CA10: variants seen among roughly 807,000 people sequenced by gnomAD.
CA10 encodes the protein carbonic anhydrase-related protein 10.
CA10 carries 14 observed loss-of-function variants against 44.2 expected under a neutral mutation model. The observed-to-expected ratio is 0.32, with a 90% CI of 0.21 to 0.50. The LOEUF (loss-of-function observed/expected upper bound fraction) is 0.50, where lower values mean the gene tolerates loss of function less well. Ranked by LOEUF, CA10 falls within the 20% of genes least tolerant of loss-of-function variation. CA10 has a pLI of 0.99. For missense variants in CA10, 350 were observed against 409.7 expected, an observed-to-expected ratio of 0.85 and a Z score of 1.26; for synonymous variants, 159 against 141.6, an observed-to-expected ratio of 1.12 and a Z score of -0.87.
intron 3 of CA10, among the ~76,000 whole-genome samples, chr17:51,849,227 GTGTGTGTATATATA>G (rs1978665716): frequency 3.9e-5 from 1 of 25,408 alleles, no homozygotes; most frequent in African/African-American, 2.0e-4. Context: ...ATACATATAT[GTGTGTGTATATATA>G]TATATATATA....
intron 4 of CA10, among the ~76,000 whole-genome samples, chr17:51,678,314 T>G (rs1398722736): frequency 6.6e-6 from 1 of 152,220 alleles, no homozygotes; most frequent in African/African-American, 2.4e-5. Context: ...ATTTTGACTG[T>G]GCTAAGTGCC....
intron 1 of CA10, among the ~76,000 whole-genome samples, chr17:52,088,358 A>T (rs1988173647): frequency 6.6e-6 from 1 of 152,326 alleles, no homozygotes; most frequent in South Asian, 2.1e-4. Context: ...ACATGCAGTC[A>T]TTCTACCTAA....
At chr17:51,888,973 C>T (rs867504542) in intron 3 of CA10, among the ~76,000 whole-genome samples, 3 of 152,102 alleles carry the variant, frequency 2.0e-5, no homozygotes, top group South Asian at 2.1e-4. Flanking sequence ...TCTAAGATGG[C>T]TCACTTTCAA....
At chr17:51,997,774 A>G (rs2144114487) in intron 2 of CA10, among the ~76,000 whole-genome samples, 1 of 152,204 alleles carries the variant, frequency 6.6e-6, no homozygotes, top group Middle Eastern at 3.4e-3. Context: ...AACTGGGAGA[A>G]ATCATATTTA....
At chr17:51,693,050 G>T (rs191076340) in intron 4 of CA10, among the ~76,000 whole-genome samples, 1 of 152,160 alleles carries the variant, frequency 6.6e-6, no homozygotes, top group Non-Finnish European at 1.5e-5. Flanking sequence ...ATTTCCATGG[G>T]TTATAACAGA....
At position 52,157,853 on chromosome 17, in the gene CA10, GCA is replaced by G; in HGVS notation, c.-69_-68del. On this transcript the variant is annotated 5_prime_UTR_variant, in exon 1 of 9. The change abolishes the stop of an existing upstream ORF in the 5' untranslated region. Coordinates refer to ENST00000451037, the MANE Select transcript of CA10 (RefSeq NM_020178.5). ...GGGGGGAAGGGGGGAGCCCGACACG[GCA>G]CACACACATACACACTCGCACACAC... The G allele has an allele frequency of 8.0e-7, 1 of 1,249,432 alleles. No homozygotes were observed. The highest frequency in any genetic ancestry group is 1.9e-4 in the Middle Eastern group (1 of 5,324). 77.4% of individuals were successfully genotyped at this position (1,249,432 alleles called of 1,614,324 possible).
chr17:51,796,858 C>T (rs943735214), intron 3 of CA10, among the ~76,000 whole-genome samples: 3 of 152,176 alleles, frequency 2.0e-5, no homozygotes, highest in African/African-American at 7.2e-5. Flanking sequence ...GCAAAGCCAG[C>T]TCCCACAGCA....
intron 3 of CA10, among the ~76,000 whole-genome samples, chr17:51,761,062 C>G: frequency 6.6e-6 from 1 of 152,188 alleles, no homozygotes; most frequent in East Asian, 1.9e-4. Flanking sequence ...GTCAGTCTTC[C>G]TTCCCAAGCT....
intron 4 of CA10, among the ~76,000 whole-genome samples, chr17:51,676,088 A>G (rs1209931247): frequency 2.0e-5 from 3 of 152,228 alleles, no homozygotes; most frequent in Admixed American, 6.5e-5. Flanking sequence ...GTCTGTGAAC[A>G]TGTGTGTACA....
intron 4 of CA10, among the ~76,000 whole-genome samples, chr17:51,677,889 C>CA (rs981800106): frequency 2.0e-4 from 7 of 35,744 alleles, no homozygotes; most frequent in Admixed American, 5.8e-4. Context: ...GTATACACCC[C>CA]CCCCCCCACC....
chr17:52,079,299 A>G (rs1987902345), intron 1 of CA10, among the ~76,000 whole-genome samples: 1 of 151,890 alleles, frequency 6.6e-6, no homozygotes, highest in African/African-American at 2.4e-5. Flanking sequence ...AAACAAAAAC[A>G]CAAACAAAAA....
At chr17:51,781,787 AAC>A (rs754390311) in intron 3 of CA10, among the ~76,000 whole-genome samples, 15 of 152,226 alleles carry the variant, frequency 9.9e-5, no homozygotes, top group Non-Finnish European at 1.3e-4. Context: ...CATGACATGT[AAC>A]AGTTTTTGAA....
In CA10 at chr17:51,693,708, G is replaced by A. The variant is rs146369070; in HGVS notation, c.466-39972C>T. Reference sequence around the variant, plus strand: ...TTATTTCTGTGTAGCATTTCATGGTGTATATGTACCATATTTTCTTTATTT... The same window carrying A: ...TTATTTCTGTGTAGCATTTCATGGTATATATGTACCATATTTTCTTTATTT... On this transcript the variant is annotated intron_variant, in intron 4 of 8. Transcript: ENST00000451037. 7.2e-4 allele frequency among the ~76,000 whole-genome samples: 110 copies of A among 152,230 alleles called. 1 individual carries two copies. The highest frequency in any genetic ancestry group is 2.4e-3 in the African/African-American group (99 of 41,530).
intron 4 of CA10, among the ~76,000 whole-genome samples, chr17:51,735,827 AAGT>A (rs896399122): frequency 2.2e-5 from 2 of 90,702 alleles, no homozygotes; most frequent in African/African-American, 6.5e-5. Flanking sequence ...TTAAAAAACA[AAGT>A]AAAAAAAAAA....
chr17:51,851,046 A>T (rs1360664786), intron 3 of CA10, among the ~76,000 whole-genome samples: 2 of 152,210 alleles, frequency 1.3e-5, no homozygotes, highest in Non-Finnish European at 2.9e-5. Context: ...CTGTGCTCAC[A>T]TAGTAGCTTC....
chr17:52,064,297 T>C (rs889782950), intron 2 of CA10, among the ~76,000 whole-genome samples: 5 of 152,208 alleles, frequency 3.3e-5, no homozygotes, highest in Admixed American at 2.6e-4. Context: ...AGGATCCATT[T>C]AAGCCATGTC....
At chr17:51,995,612 G>A (rs926670192) in intron 2 of CA10, among the ~76,000 whole-genome samples, 8 of 152,044 alleles carry the variant, frequency 5.3e-5, no homozygotes, top group African/African-American at 1.9e-4. Flanking sequence ...AACAAAAAGA[G>A]GATGTAAACA....
chr17:51,916,054 G>A (rs1981983579), intron 3 of CA10, among the ~76,000 whole-genome samples: 1 of 152,014 alleles, frequency 6.6e-6, no homozygotes, highest in East Asian at 1.9e-4. Flanking sequence ...ACTTGAAGAA[G>A]CCTAAAAGCT....
At chr17:51,994,272 A>T (rs1985149851) in intron 2 of CA10, among the ~76,000 whole-genome samples, 3 of 151,898 alleles carry the variant, frequency 2.0e-5, no homozygotes, top group African/African-American at 7.3e-5. Flanking sequence ...TCCCCCTATG[A>T]CTTGGATTAT....
Sources: gnomAD v4.1 joint callset for allele counts (sites outside exome capture counted in the v4.1 genomes callset) on GRCh38, gnomAD v4.1.1 for gene constraint, MANE v1.5 for transcripts, NCBI Gene and HGNC (gene_info 2026-07-23, HGNC 2026-07-21) for gene names.